The following NUP155 variants were observed in gnomAD, a reference collection of about 807,000 sequenced individuals.
NUP155 encodes the protein nucleoporin 155.
NUP155 carries 71 observed loss-of-function variants against 180.4 expected under a neutral mutation model. The observed-to-expected ratio is 0.39, with a 90% CI of 0.33 to 0.48. NUP155 has a LOEUF of 0.48. NUP155 is among the 20% of genes least tolerant of loss of function. The pLI is 0.91. For synonymous variants in NUP155, 582 were observed against 559.5 expected (o/e 1.04, Z -0.57); for missense variants, 1,553 against 1,648.9 (o/e 0.94, Z 1.01).
intron 9 of NUP155, 137 bp from the exon 10 acceptor site, chr5:37,342,783 C>A (rs1745816238): frequency 3.1e-6 from 2 of 649,616 alleles, no homozygotes; most frequent in Non-Finnish European, 5.6e-6. Flanking sequence ...GTCACCCAGG[C>A]TGGAGGAGAG....
At chr5:37,333,441 C>T (rs1436815570) in intron 13 of NUP155, 22 bp downstream of exon 13, 1 of 1,607,704 alleles carries the variant, frequency 6.2e-7, no homozygotes. Flanking sequence ...TTTGTCACTA[C>T]CATAACAGAA....
At chr5:37,338,054 C>T (rs1745459469) in intron 11 of NUP155, 136 bp from the exon 12 acceptor site, 2 of 599,284 alleles carry the variant, frequency 3.3e-6, no homozygotes, top group Non-Finnish European at 5.9e-6. Context: ...GGCACGGTGG[C>T]TCATGCCTGT....
At chr5:37,341,046 T>C (rs763659934) in intron 11 of NUP155, 44 bp downstream of exon 11, 1 of 1,449,514 alleles carries the variant, frequency 6.9e-7, no homozygotes, top group Non-Finnish European at 9.6e-7. Flanking sequence ...ATTTTAACAA[T>C]TTTAAGAATA....
chr5:37,320,932 T>C (rs373478879), intron 20 of NUP155, among the ~76,000 whole-genome samples: 10 of 152,302 alleles, frequency 6.6e-5, no homozygotes, highest in African/African-American at 2.4e-4. Context: ...AAAAATCATA[T>C]GTAGAACTTC....
chr5:37,350,482 G>C (rs763970292), intron 6 of NUP155, among the ~76,000 whole-genome samples: 11 of 152,062 alleles, frequency 7.2e-5, no homozygotes, highest in African/African-American at 1.4e-4. Flanking sequence ...GACAAGGAAA[G>C]AATTTCAAGA....
At chr5:37,312,708 A>G (rs1158110263) in intron 22 of NUP155, among the ~76,000 whole-genome samples, 1 of 152,188 alleles carries the variant, frequency 6.6e-6, no homozygotes, top group African/African-American at 2.4e-5. Flanking sequence ...GCGTGCCTAT[A>G]GTACCAGCTA....
rs931516745 is a variant in NUP155, at chr5:37,371,055, T to A, written c.-78A>T. 1.4e-5 allele frequency: 21 copies of A among 1,514,186 alleles called. No individual in the cohort carries two copies. Among genetic ancestry groups the A allele is most frequent in the African/African-American group, 2.8e-5 (2 of 72,686 alleles). The allele number at this position is 1,514,186 out of a possible 1,614,324, so 93.8% of individuals were successfully genotyped here. A position where few individuals can be genotyped will look rare whatever the true frequency, so the allele number is the denominator to read the frequency against. ...CAAGAAAAGATCCAAGAAGTTAGCT[T>A]AGATCCGCCGCCTAGGGCGCGCGCG... On this transcript the variant is annotated 5_prime_UTR_variant, in exon 1 of 35. Coordinates refer to ENST00000231498, the MANE Select transcript of NUP155 (RefSeq NM_153485.3).
chr5:37,312,371 A>G (rs1208766916), intron 22 of NUP155, among the ~76,000 whole-genome samples: 1 of 81,282 alleles, frequency 1.2e-5, no homozygotes, highest in Non-Finnish European at 3.1e-5. Flanking sequence ...AAAGAGGATT[A>G]AAAAAAAAAA....
At chr5:37,297,721 T>G (rs1742660615) in intron 32 of NUP155, among the ~76,000 whole-genome samples, 1 of 152,106 alleles carries the variant, frequency 6.6e-6, no homozygotes, top group South Asian at 2.1e-4. Context: ...AAGTACCAGT[T>G]TCACACACTT....
At position 37,307,942 on chromosome 5, in the gene NUP155, GAAAA is replaced by G. The variant is rs34228665; in HGVS notation, c.2768-514_2768-511del. 2.2e-3 allele frequency among the ~76,000 whole-genome samples: 299 copies of G among 135,944 alleles called. 3 individuals carry two copies. Among genetic ancestry groups the G allele is most frequent in the African/African-American group, 8.1e-3 (292 of 36,256 alleles). The allele number at this position is 135,944 out of a possible 152,430, so 89.2% of individuals were successfully genotyped here. On this transcript the variant is annotated intron_variant, in intron 24 of 34. Transcript: ENST00000231498. ...GTCTCACAAAAAAAAAAAGAAAAAGGAAAAAAAAAAATATATATATATATATATT... is the reference window on the plus strand; with the variant it reads ...GTCTCACAAAAAAAAAAAGAAAAAGGAAAAAAATATATATATATATATATT...
At position 37,288,771 on chromosome 5, in the gene NUP155, A is replaced by AGGGGGGGTC. The variant is rs1742121496; in HGVS notation, c.*3128_*3129insGACCCCCCC. The AGGGGGGGTC allele has an allele frequency of 1.7e-5, 1 of 57,650 alleles. No homozygotes were observed. Among genetic ancestry groups the AGGGGGGGTC allele is most frequent in the Non-Finnish European group, 3.5e-5 (1 of 28,614 alleles). 3.6% of individuals were successfully genotyped at this position (57,650 alleles called of 1,614,324 possible). A position where few individuals can be genotyped will look rare whatever the true frequency, so the allele number is the denominator to read the frequency against. On this transcript the variant is annotated 3_prime_UTR_variant, in exon 35 of 35. Transcript: ENST00000231498. Reference sequence around the variant, plus strand: ...TTAAAAAAAAAAAAAAAAAAAAAGTAGGGGGGGTGGGGCTAGGCGCAGTGG... The same window carrying AGGGGGGGTC: ...TTAAAAAAAAAAAAAAAAAAAAAGTAGGGGGGGTCGGGGGGGTGGGGCTAGGCGCAGTGG...
At chr5:37,349,453 T>C (rs1301287633) in intron 7 of NUP155, among the ~76,000 whole-genome samples, 2 of 152,134 alleles carry the variant, frequency 1.3e-5, no homozygotes, top group East Asian at 1.9e-4. Flanking sequence ...AAAAAACACA[T>C]GCTAAATACT....
At chr5:37,359,401 G>A (rs1747054605) in intron 3 of NUP155, among the ~76,000 whole-genome samples, 1 of 151,810 alleles carries the variant, frequency 6.6e-6, no homozygotes, top group Non-Finnish European at 1.5e-5. Context: ...CAGGGATAAG[G>A]GTAAGAAGAG....
rs201262273 is a variant in NUP155 at position 37,370,851 on chromosome 5, G to A, written c.127C>T (p.Leu43Phe). The change falls in exon 1 of 35, where the codon CTT becomes TTT. Residue 43 changes from leucine to phenylalanine, a missense_variant. Leu to Phe is a conservative substitution (Grantham distance 22). Coordinates refer to ENST00000231498, the MANE Select transcript of NUP155 (RefSeq NM_153485.3). ...GCAGACACCATAAGCAGCTCGGAAA[G>A]GTCCGGGTACATGCGGTCCTCTTGC... The part of the protein sequence containing the change: ...QLQEDRMYPD[L>F]SELLMVSAPN... 11 of 1,614,206 alleles carry A rather than the reference G, an allele frequency of 6.8e-6. 1 individual carries two copies. The East Asian group carries it at 1.1e-4, about 16-fold the overall frequency.
Position 37,314,221 on chromosome 5 carries a change from T to C in NUP155, c.2413A>G (p.Ile805Val), listed in dbSNP as rs376806446. 1.1e-5 allele frequency: 18 copies of C among 1,609,102 alleles called. No homozygotes were observed. The highest frequency in any genetic ancestry group is 8.3e-5 in the Admixed American group (5 of 59,930). ...WKLLCEHQFT[I>V]IVAELQKELQ... ...ACCTTCTGAAGTTCTGCCACAATGA[T>C]AGTGAATTGATGTTCACAAAGAAGT... The change falls in exon 22 of 35, where the codon ATC (isoleucine) becomes GTC (valine). Residue 805 changes from isoleucine to valine, a missense_variant. By Grantham distance (29) the Ile-to-Val change is conservative (BLOSUM62 3). Coordinates refer to ENST00000231498, the MANE Select transcript of NUP155 (RefSeq NM_153485.3).
chr5:37,298,806 A>G, intron 32 of NUP155, 62 bp downstream of exon 32: 2 of 862,376 alleles, frequency 2.3e-6, no homozygotes, highest in South Asian at 1.3e-5. Flanking sequence ...TTATTTGTCC[A>G]TATCAACGGA....
intron 27 of NUP155, 79 bp from the exon 28 acceptor site, chr5:37,303,493 T>A (rs1344922198): frequency 8.5e-7 from 1 of 1,177,156 alleles, no homozygotes; most frequent in African/African-American, 1.5e-5. Context: ...TATAGTATTT[T>A]TAAGTCAACT....
intron 25 of NUP155, 48 bp downstream of exon 25, chr5:37,307,249 A>G (rs376731252): frequency 6.3e-7 from 1 of 1,589,328 alleles, no homozygotes; most frequent in East Asian, 2.2e-5. Context: ...ATGCAAAGAA[A>G]AGTCTGTATC....
chr5:37,305,150 G>A lies in NUP155; in HGVS notation c.2964C>T (p.Ala988=), dbSNP rs774865686. The A allele has an allele frequency of 4.9e-5, 79 of 1,613,462 alleles. No individual in the cohort carries two copies. The highest frequency in any genetic ancestry group is 2.7e-4 in the East Asian group (12 of 44,890). The change falls in exon 26 of 35, where the codon GCC becomes GCT. Residue 988 remains alanine, a synonymous_variant. Coordinates refer to ENST00000231498, the MANE Select transcript of NUP155 (RefSeq NM_153485.3). ...TGGGTACACTGGGAGACTGAGGAGC[G>A]GCCTTACTTTGATTTACCAGTTCTT... ...TLQELVNQSK[A]APQSPSVPKK... is the part of the protein sequence containing the mutation.
Sources: gnomAD v4.1 joint callset for allele counts (sites outside exome capture counted in the v4.1 genomes callset) on GRCh38, gnomAD v4.1.1 for gene constraint, MANE v1.5 for transcripts, NCBI Gene and HGNC (gene_info 2026-07-23, HGNC 2026-07-21) for gene names.